ZFPM2: variants seen among roughly 807,000 people sequenced by gnomAD.
ZFPM2 encodes the protein zinc finger protein ZFPM2.
In ZFPM2, 20 loss-of-function variants were observed where a neutral mutation model predicts 98.6. The ratio of observed to expected loss-of-function variants is 0.20; its 90% CI spans 0.14 to 0.29. ZFPM2 has a LOEUF of 0.29. Among genes scored for constraint, ZFPM2 ranks in the 10% least tolerant of loss-of-function variants. ZFPM2 has a pLI of 1.00. For missense variants in ZFPM2, 1,310 were observed against 1,388.6 expected, an observed-to-expected ratio of 0.94 and a Z score of 0.90; for synonymous variants, 518 against 502.7, an observed-to-expected ratio of 1.03 and a Z score of -0.41.
intron 3 of ZFPM2, among the ~76,000 whole-genome samples, chr8:105,529,211 A>G (rs1193350042): frequency 6.6e-6 from 1 of 152,000 alleles, no homozygotes; most frequent in Non-Finnish European, 1.5e-5. Context: ...CTTTTCTTAC[A>G]AAGACACCAG....
intron 3 of ZFPM2, among the ~76,000 whole-genome samples, chr8:105,556,322 A>G (rs1177623098): frequency 1.3e-5 from 2 of 152,182 alleles, no homozygotes; most frequent in African/African-American, 2.4e-5. Flanking sequence ...AGCAGACATC[A>G]ATGAATGGTT....
At chr8:105,498,188 C>G (rs942740167) in intron 3 of ZFPM2, among the ~76,000 whole-genome samples, 1 of 151,690 alleles carries the variant, frequency 6.6e-6, no homozygotes, top group Admixed American at 6.6e-5. Context: ...ACAGTGAGAC[C>G]CCATCTCCAA....
intron 3 of ZFPM2, among the ~76,000 whole-genome samples, chr8:105,538,263 TA>T (rs1419892883): frequency 6.6e-5 from 10 of 152,018 alleles, no homozygotes; most frequent in Non-Finnish European, 2.9e-5. Context: ...ATATTTACTT[TA>T]TATAATTACT....
At chr8:105,536,279 C>A (rs1814448862) in intron 3 of ZFPM2, among the ~76,000 whole-genome samples, 1 of 151,474 alleles carries the variant, frequency 6.6e-6, no homozygotes, top group South Asian at 2.1e-4. Flanking sequence ...TTTTTTTGTC[C>A]ATATCATCAA....
At chr8:105,427,985 T>C (rs1158920147) in intron 2 of ZFPM2, among the ~76,000 whole-genome samples, 5 of 152,236 alleles carry the variant, frequency 3.3e-5, no homozygotes, top group African/African-American at 1.2e-4. Flanking sequence ...CGGTAGATGC[T>C]GTTTTTGCCT....
chr8:105,697,995 A>G (rs913828576), intron 5 of ZFPM2, among the ~76,000 whole-genome samples: 2 of 152,178 alleles, frequency 1.3e-5, no homozygotes, highest in African/African-American at 4.8e-5. Flanking sequence ...TCATTTTCAG[A>G]TCTCTGAATC....
rs1242632565 is a variant in ZFPM2 at position 105,478,111 on chromosome 8, C to T, written c.301+33730C>T. On this transcript the variant is annotated intron_variant, in intron 3 of 7. Coordinates refer to ENST00000407775, the MANE Select transcript of ZFPM2 (RefSeq NM_012082.4). The stretch of plus-strand genomic sequence containing the variant: ...TGACATAACTCTACTTCATTGTTTT[C>T]CTCATTAGACATCTTCCATCTTAAA... 2.6e-5 allele frequency among the ~76,000 whole-genome samples: 4 copies of T among 152,146 alleles called. No homozygotes were observed. The East Asian group carries it at 7.7e-4, about 29-fold the overall frequency.
intron 3 of ZFPM2, among the ~76,000 whole-genome samples, chr8:105,502,309 A>C (rs1813611874): frequency 6.6e-6 from 1 of 152,200 alleles, no homozygotes; most frequent in South Asian, 2.1e-4. Flanking sequence ...AGGATAGATT[A>C]GAAAAGAATA....
At chr8:105,648,189 T>G (rs1339560372) in intron 5 of ZFPM2, among the ~76,000 whole-genome samples, 7 of 152,244 alleles carry the variant, frequency 4.6e-5, no homozygotes, top group Non-Finnish European at 8.8e-5. Flanking sequence ...TTGAGAAGTG[T>G]CTGTTCATGT....
intron 5 of ZFPM2, among the ~76,000 whole-genome samples, chr8:105,733,680 T>G (rs1404248129): frequency 6.6e-6 from 1 of 151,858 alleles, no homozygotes; most frequent in Non-Finnish European, 1.5e-5. Context: ...GTTTGCTTTT[T>G]AAAGTGCTAA....
At chr8:105,651,699 A>G (rs751360717) in intron 5 of ZFPM2, among the ~76,000 whole-genome samples, 1 of 151,058 alleles carries the variant, frequency 6.6e-6, no homozygotes, top group Non-Finnish European at 1.5e-5. Flanking sequence ...CTCAAAGGCA[A>G]CAATTCAATT....
chr8:105,354,594 T>C (rs548113986), intron 1 of ZFPM2, among the ~76,000 whole-genome samples: 81 of 152,332 alleles, frequency 5.3e-4, no homozygotes, highest in Non-Finnish European at 9.3e-4. Context: ...TCAAAGAGGA[T>C]AAAACAGATA....
At chr8:105,764,269 T>TTCTC (rs879289014) in intron 5 of ZFPM2, among the ~76,000 whole-genome samples, 1 of 109,204 alleles carries the variant, frequency 9.2e-6, no homozygotes, top group African/African-American at 3.4e-5. Context: ...CTCTCTCTCT[T>TTCTC]TCTCTCTCTC....
intron 4 of ZFPM2, among the ~76,000 whole-genome samples, chr8:105,632,116 G>C (rs1053015005): frequency 1.2e-4 from 19 of 152,038 alleles, no homozygotes; most frequent in African/African-American, 4.1e-4. Context: ...TGTTCTGCCT[G>C]TGCCTGGAGA....
chr8:105,693,493 G>T (rs921890890), intron 5 of ZFPM2, among the ~76,000 whole-genome samples: 29 of 152,148 alleles, frequency 1.9e-4, no homozygotes, highest in African/African-American at 7.0e-4. Context: ...TACACTACAT[G>T]CCCAACATTT....
chr8:105,729,921 A>C (rs1043418579), intron 5 of ZFPM2, among the ~76,000 whole-genome samples: 1 of 151,166 alleles, frequency 6.6e-6, no homozygotes, highest in Non-Finnish European at 1.5e-5. Context: ...TAAATATATA[A>C]TGTGCATAAT....
At chr8:105,563,808 A>G (rs954552216) in intron 4 of ZFPM2, among the ~76,000 whole-genome samples, 8 of 152,186 alleles carry the variant, frequency 5.3e-5, no homozygotes, top group Admixed American at 1.3e-4. Flanking sequence ...ATCACAGTGT[A>G]TCAGATACCA....
intron 3 of ZFPM2, among the ~76,000 whole-genome samples, chr8:105,503,262 C>G (rs141961175): frequency 1.3e-5 from 2 of 152,028 alleles, no homozygotes; most frequent in African/African-American, 4.8e-5. Context: ...GGGAGCAACT[C>G]GAAGAGGGTA....
chr8:105,464,128 T>G (rs1304292831), intron 3 of ZFPM2, among the ~76,000 whole-genome samples: 1 of 151,992 alleles, frequency 6.6e-6, no homozygotes, highest in African/African-American at 2.4e-5. Flanking sequence ...ATTGTTCCCA[T>G]AAGATCTCTA....
Sources: gnomAD v4.1 joint callset for allele counts (sites outside exome capture counted in the v4.1 genomes callset) on GRCh38, gnomAD v4.1.1 for gene constraint, MANE v1.5 for transcripts, NCBI Gene and HGNC (gene_info 2026-07-23, HGNC 2026-07-21) for gene names.